The following PDCD6IP variants were observed in gnomAD, a reference collection of about 807,000 sequenced individuals.
PDCD6IP encodes programmed cell death 6-interacting protein.
Under a neutral mutation model 103.7 loss-of-function variants are expected in PDCD6IP, and 43 were observed. That is an observed-to-expected ratio of 0.41 (90% CI 0.32 to 0.53). The LOEUF (loss-of-function observed/expected upper bound fraction) is 0.53. Among genes scored for constraint, PDCD6IP ranks in the 20% least tolerant of loss-of-function variants. PDCD6IP has a pLI of 0.16. For synonymous variants in PDCD6IP, 354 were observed against 378.7 expected (o/e 0.93, Z 0.76); for missense variants, 871 against 1,036.7 (o/e 0.84, Z 2.20).
chr3:33,817,767 A>AT (rs1696887067), intron 3 of PDCD6IP, among the ~76,000 whole-genome samples: 1 of 152,026 alleles, frequency 6.6e-6, no homozygotes, highest in African/African-American at 2.4e-5. Context: ...GAAAAAAAAA[A>AT]GATAAAAGAA....
At chr3:33,844,270 C>G in intron 11 of PDCD6IP, 47 bp downstream of exon 11, 2 of 1,063,790 alleles carry the variant, frequency 1.9e-6, no homozygotes, top group South Asian at 1.9e-5. Context: ...TTCCCAATTT[C>G]GACCCACGTT....
At chr3:33,838,754 A>ATG (rs371718093) in intron 9 of PDCD6IP, among the ~76,000 whole-genome samples, 5,714 of 149,996 alleles carry the variant, frequency 0.038, 135 homozygotes, top group Middle Eastern at 0.073. Context: ...TTATATGTAT[A>ATG]TGTGTGTGTG....
intron 1 of PDCD6IP, chr3:33,799,285 T>C (rs2125537630): frequency 4.2e-6 from 1 of 236,972 alleles, no homozygotes. Flanking sequence ...AAGCTTCCCC[T>C]TTCGCCCCAT....
intron 3 of PDCD6IP, among the ~76,000 whole-genome samples, chr3:33,814,632 T>C (rs939674114): frequency 1.0e-4 from 15 of 144,050 alleles, no homozygotes; most frequent in Non-Finnish European, 1.7e-4. Flanking sequence ...ATGTGTATTA[T>C]ATGTGCATAT....
chr3:33,814,290 G>A lies in PDCD6IP; in HGVS notation c.334+662G>A, dbSNP rs144049146. Among the ~76,000 whole-genome samples the A allele has an allele frequency of 1.8e-3, 266 of 151,804 alleles. 1 individual carries two copies. Among genetic ancestry groups the A allele is most frequent in the African/African-American group, 5.8e-3 (240 of 41,420 alleles). On this transcript the variant is annotated intron_variant, in intron 3 of 17. Transcript: ENST00000307296. Reference sequence around the variant, plus strand: ...ACCTCAGCTGGGATTACAAGCACCCGCCACCACACCTGGGTAATTTTTTTA... The same window carrying A: ...ACCTCAGCTGGGATTACAAGCACCCACCACCACACCTGGGTAATTTTTTTA...
At position 33,833,115 on chromosome 3, in the gene PDCD6IP, T is replaced by C. The variant is rs1484725131; in HGVS notation, c.835-2929T>C. Reference sequence around the variant, plus strand: ...TTTCATTCTTAAGTTTTTTAGCCTGTGTCTCTAAGAGATAAAGATTTAAAA... The same window carrying C: ...TTTCATTCTTAAGTTTTTTAGCCTGCGTCTCTAAGAGATAAAGATTTAAAA... On this transcript the variant is annotated intron_variant, in intron 7 of 17. Transcript: ENST00000307296. 2.6e-5 allele frequency among the ~76,000 whole-genome samples: 4 copies of C among 152,050 alleles called. No individual in the cohort carries two copies. The East Asian group carries it at 7.7e-4, about 29-fold the overall frequency.
At chr3:33,863,605 T>G (rs780861431) in intron 15 of PDCD6IP, among the ~76,000 whole-genome samples, 1 of 152,226 alleles carries the variant, frequency 6.6e-6, no homozygotes, top group African/African-American at 2.4e-5. Flanking sequence ...TCATTATATT[T>G]TTTATGGCTG....
intron 1 of PDCD6IP, among the ~76,000 whole-genome samples, chr3:33,803,435 T>C (rs530081078): frequency 6.6e-6 from 1 of 152,356 alleles, no homozygotes; most frequent in East Asian, 1.9e-4. Flanking sequence ...TGTTTCTTTT[T>C]CTGTGATTGC....
intron 1 of PDCD6IP, among the ~76,000 whole-genome samples, chr3:33,806,531 A>G (rs1191620363): frequency 6.6e-6 from 1 of 152,208 alleles, no homozygotes; most frequent in Non-Finnish European, 1.5e-5. Context: ...TGAAGACACC[A>G]ATTTTTTTGC....
chr3:33,831,635 A>G (rs1697247127), intron 7 of PDCD6IP, among the ~76,000 whole-genome samples: 1 of 152,082 alleles, frequency 6.6e-6, no homozygotes, highest in East Asian at 1.9e-4. Flanking sequence ...TATATAGTTC[A>G]ATTCCTGTTC....
At chr3:33,858,108 T>C (rs1203887101) in intron 15 of PDCD6IP, among the ~76,000 whole-genome samples, 4 of 152,254 alleles carry the variant, frequency 2.6e-5, no homozygotes, top group African/African-American at 9.6e-5. Flanking sequence ...TAAAAATAAT[T>C]TGTAGAAATC....
Position 33,836,278 on chromosome 3 carries a change from A to G in PDCD6IP, c.1057+12A>G. 7.0e-7 allele frequency: 1 copy of G among 1,422,294 alleles called. No individual in the cohort carries two copies. Among genetic ancestry groups the G allele is most frequent in the Non-Finnish European group, 9.9e-7 (1 of 1,007,368 alleles). The allele number at this position is 1,422,294 out of a possible 1,614,324, so 88.1% of individuals were successfully genotyped here. ...TCAGAAATTTACTGGTATGTCAGTT[A>G]TTCAGACACACTTTAATCTCATTTT... On this transcript the variant is annotated intron_variant, in intron 8 of 17. Transcript: ENST00000307296.
At chr3:33,813,811 AG>A (rs960336151) in intron 3 of PDCD6IP, among the ~76,000 whole-genome samples, 183 bp downstream of exon 3, 2 of 152,232 alleles carry the variant, frequency 1.3e-5, no homozygotes, top group African/African-American at 4.8e-5. Context: ...ATGCCTTGCC[AG>A]GCACTGTCCT....
chr3:33,836,234 C>A lies in PDCD6IP; in HGVS notation c.1025C>A (p.Pro342Gln). Residue 342 changes from proline to glutamine, a missense_variant, in exon 8 of 18, where the codon CCG becomes CAG. By Grantham distance (76) the Pro-to-Gln change is moderately conservative. This residue lies in a region of PDCD6IP where 242 missense variants were observed against 250.7 expected (regional missense o/e 0.97). Transcript: ENST00000307296. ...IGKATLVKST[P>Q]VNVPISQKFT... Reference sequence around the variant, plus strand: ...AAAGCCACACTTGTGAAATCTACCCCGGTCAATGTACCCATCAGTCAGAAA... The same window carrying A: ...AAAGCCACACTTGTGAAATCTACCCAGGTCAATGTACCCATCAGTCAGAAA... The A allele has an allele frequency of 6.2e-7, 1 of 1,610,660 alleles. No individual in the cohort carries two copies. The highest frequency in any genetic ancestry group is 8.5e-7 in the Non-Finnish European group (1 of 1,176,948).
intron 1 of PDCD6IP, among the ~76,000 whole-genome samples, chr3:33,807,153 TA>T (rs1290474347): frequency 6.6e-6 from 1 of 152,318 alleles, no homozygotes; most frequent in East Asian, 1.9e-4. Flanking sequence ...AGAATGGGTA[TA>T]AAAATTTTAG....
At chr3:33,847,287 G>A (rs1013145678) in intron 12 of PDCD6IP, among the ~76,000 whole-genome samples, 1 of 152,178 alleles carries the variant, frequency 6.6e-6, no homozygotes, top group Non-Finnish European at 1.5e-5. Context: ...GCATTAGTAT[G>A]CACTGATATA....
At chr3:33,837,057 A>G (rs1490839893) in intron 8 of PDCD6IP, among the ~76,000 whole-genome samples, 2 of 151,654 alleles carry the variant, frequency 1.3e-5, no homozygotes, top group Non-Finnish European at 2.9e-5. Context: ...AGTAGCTGGG[A>G]CTACAGGCGC....
intron 15 of PDCD6IP, among the ~76,000 whole-genome samples, chr3:33,859,802 A>C (rs1697912075): frequency 1.3e-5 from 2 of 152,220 alleles, no homozygotes; most frequent in South Asian, 2.1e-4. Flanking sequence ...AACATCCTTT[A>C]ATCCAGCCAT....
intron 15 of PDCD6IP, among the ~76,000 whole-genome samples, chr3:33,860,744 ATATTT>A (rs757843961): frequency 6.6e-6 from 1 of 152,310 alleles, no homozygotes; most frequent in South Asian, 2.1e-4. Flanking sequence ...ATTTCTGCAT[ATATTT>A]TATTATGTGA....
Sources: gnomAD v4.1 joint callset for allele counts (sites outside exome capture counted in the v4.1 genomes callset) on GRCh38, gnomAD v4.1.1 for gene constraint, gnomAD v4.1.1 regional missense constraint, MANE v1.5 for transcripts, NCBI Gene and HGNC (gene_info 2026-07-23, HGNC 2026-07-21) for gene names.